The following RBFOX2 variants were observed in gnomAD, a reference collection of about 807,000 sequenced individuals.
RBFOX2 encodes the protein RNA binding protein fox-1 homolog 2.
A neutral mutation model predicts 49.1 loss-of-function variants in RBFOX2; 10 were observed. The ratio of observed to expected loss-of-function variants is 0.20; its 90% confidence interval spans 0.13 to 0.35. The LOEUF (loss-of-function observed/expected upper bound fraction) is 0.35. Ranked by LOEUF, RBFOX2 falls within the 10% of genes least tolerant of loss-of-function variation. The pLI, the probability that RBFOX2 is intolerant of heterozygous loss-of-function variation, is 1.00. For missense variants in RBFOX2, 323 were observed against 486.9 expected, an observed-to-expected ratio of 0.66 and a Z score of 3.17; for synonymous variants, 183 against 187.4, an observed-to-expected ratio of 0.98 and a Z score of 0.19.
intron 2 of RBFOX2, among the ~76,000 whole-genome samples, chr22:35,801,247 A>T (rs866865366): frequency 6.6e-6 from 1 of 152,228 alleles, no homozygotes; most frequent in African/African-American, 2.4e-5. Flanking sequence ...TCTAACTTTT[A>T]GATTTAATTG....
At chr22:36,025,071 G>C (rs974464041) in intron 1 of RBFOX2, among the ~76,000 whole-genome samples, 2 of 152,096 alleles carry the variant, frequency 1.3e-5, no homozygotes, top group East Asian at 3.9e-4. Context: ...GTCTCCCAAA[G>C]TGCTGGGATT....
intron 1 of RBFOX2, among the ~76,000 whole-genome samples, chr22:35,982,377 C>T (rs556986982): frequency 7.9e-5 from 12 of 152,210 alleles, no homozygotes; most frequent in African/African-American, 2.9e-4. Context: ...CCTCCTCCCC[C>T]CATCTCCCCA....
intron 1 of RBFOX2, among the ~76,000 whole-genome samples, chr22:35,859,742 G>C (rs1395354564): frequency 6.6e-6 from 1 of 152,106 alleles, no homozygotes; most frequent in Admixed American, 6.6e-5. Flanking sequence ...TTGTTTTTAA[G>C]TTAGAGGCAG....
At chr22:35,998,918 A>G (rs2058298318) in intron 1 of RBFOX2, 1 of 152,884 alleles carries the variant, frequency 6.5e-6, no homozygotes, top group Non-Finnish European at 1.5e-5. Flanking sequence ...CTTCTCCTTC[A>G]GTATTTCTGA....
chr22:35,831,798 A>G (rs1157951273), intron 1 of RBFOX2, among the ~76,000 whole-genome samples: 1 of 152,206 alleles, frequency 6.6e-6, no homozygotes, highest in African/African-American at 2.4e-5. Context: ...TTAGGAAAAA[A>G]GAATACAGTT....
At chr22:35,869,201 G>C (rs2044044900) in intron 1 of RBFOX2, among the ~76,000 whole-genome samples, 1 of 151,936 alleles carries the variant, frequency 6.6e-6, no homozygotes. Flanking sequence ...ACTTCTGTGG[G>C]GTTTTGTTGT....
rs891038996 is a variant in RBFOX2 at position 35,781,541 on chromosome 22, T to C, written c.399+59A>G. ...TAAAGTAATAATGACTAATAACACA[T>C]CTGGGGGATTAAAATCTACTTTAAT... On this transcript the variant is annotated intron_variant, in intron 3 of 11. Transcript: ENST00000405409. The C allele has an allele frequency of 6.4e-6, 10 of 1,568,382 alleles. No individual in the cohort carries two copies. In the African/African-American group the frequency reaches 1.1e-4, roughly 17 times the overall value.
chr22:35,913,947 G>T (rs1326586820), intron 1 of RBFOX2, among the ~76,000 whole-genome samples: 1 of 152,180 alleles, frequency 6.6e-6, no homozygotes, highest in Non-Finnish European at 1.5e-5. Flanking sequence ...TTCTTTTGCT[G>T]CTTTCAGGTG....
chr22:35,994,984 A>G (rs145537114), intron 1 of RBFOX2: 1 of 152,274 alleles, frequency 6.6e-6, no homozygotes, highest in Non-Finnish European at 1.5e-5. Context: ...TAACTAAAGG[A>G]TCCTTTTTAT....
intron 1 of RBFOX2, among the ~76,000 whole-genome samples, chr22:35,989,282 T>C (rs2057861719): frequency 1.3e-5 from 2 of 152,122 alleles, no homozygotes; most frequent in Non-Finnish European, 2.9e-5. Context: ...TAGAATAGAA[T>C]CATTTCAAGC....
intron 9 of RBFOX2, among the ~76,000 whole-genome samples, chr22:35,753,817 C>T (rs1345777160): frequency 9.0e-6 from 1 of 111,358 alleles, no homozygotes; most frequent in African/African-American, 3.4e-5. Flanking sequence ...AAGTCTAGCT[C>T]TGTCAGCCAG....
intron 1 of RBFOX2, among the ~76,000 whole-genome samples, chr22:35,948,127 T>G (rs2054518846): frequency 6.6e-6 from 1 of 152,260 alleles, no homozygotes. Context: ...CATGTTTCCA[T>G]GTTTAGATAC....
exon 1 of RBFOX2, chr22:35,840,271 C>T: frequency 6.2e-7 from 1 of 1,614,004 alleles, no homozygotes; most frequent in South Asian, 1.1e-5. Flanking sequence ...TGGGGCACAC[C>T]TCCACAGCTT....
At chr22:35,842,784 G>C (rs921845208), upstream of RBFOX2, among the ~76,000 whole-genome samples, 1 of 151,880 alleles carries the variant, frequency 6.6e-6, no homozygotes, top group African/African-American at 2.4e-5. Context: ...AAAGAGACAA[G>C]GCCCCAAGGA....
intron 1 of RBFOX2, chr22:35,836,418 G>A (rs1957679016): frequency 6.6e-6 from 1 of 152,242 alleles, no homozygotes; most frequent in Non-Finnish European, 1.5e-5. Flanking sequence ...AGCAGCTCAG[G>A]TGAAAGACTT....
chr22:36,022,885 A>T (rs2059298516), intron 1 of RBFOX2, among the ~76,000 whole-genome samples: 3 of 152,200 alleles, frequency 2.0e-5, no homozygotes, highest in African/African-American at 4.8e-5. Context: ...CTCACCAGAC[A>T]TGAAATCTGC....
chr22:35,994,301 T>C (rs1033328214), intron 1 of RBFOX2: 3 of 152,108 alleles, frequency 2.0e-5, no homozygotes, highest in Admixed American at 1.3e-4. Context: ...AATCTCAACA[T>C]AGTATCTTAC....
At chr22:35,831,112 T>C (rs1480364207) in intron 1 of RBFOX2, among the ~76,000 whole-genome samples, 1 of 152,182 alleles carries the variant, frequency 6.6e-6, no homozygotes, top group Non-Finnish European at 1.5e-5. Flanking sequence ...CCACCTACTT[T>C]TGCATAACCT....
intron 1 of RBFOX2, among the ~76,000 whole-genome samples, chr22:35,827,256 A>G (rs565222611): frequency 6.6e-6 from 1 of 152,290 alleles, no homozygotes; most frequent in Admixed American, 6.5e-5. Flanking sequence ...TATCTTTTAC[A>G]CTGTTTAACA....
Sources: allele counts gnomAD v4.1 joint callset (sites outside exome capture counted in the v4.1 genomes callset), GRCh38; gene constraint gnomAD v4.1.1; transcripts MANE v1.5; gene names NCBI Gene and HGNC (gene_info 2026-07-23, HGNC 2026-07-21).